WNK3: variants seen among roughly 807,000 people sequenced by gnomAD.
WNK3 encodes serine/threonine-protein kinase WNK3.
A neutral mutation model predicts 116.7 loss-of-function variants in WNK3; 18 were observed. The ratio of observed to expected loss-of-function variants is 0.15; its 90% CI spans 0.11 to 0.23. WNK3 has a LOEUF of 0.23. WNK3 is among the 10% of genes least tolerant of loss of function. The probability of loss-of-function intolerance (pLI) is 1.00; values close to 1 mark genes in which losing one functional copy is unlikely to be tolerated. For synonymous variants in WNK3, 404 were observed against 469.4 expected (o/e 0.86, Z 1.80); for missense variants, 993 against 1,323.8 (o/e 0.75, Z 3.88).
chrX:54,321,938 C>G (rs1206342838), intron 2 of WNK3, among the ~76,000 whole-genome samples: 2 of 104,725 alleles, frequency 1.9e-5, no homozygotes, highest in Non-Finnish European at 3.9e-5. Context: ...GAGCCGAGAT[C>G]ACGCCATCGC....
chrX:54,317,670 C>T (rs782527300), intron 2 of WNK3, among the ~76,000 whole-genome samples: 12 of 106,468 alleles, frequency 1.1e-4, no homozygotes, highest in Non-Finnish European at 1.9e-4. Context: ...CTCGCTCTGT[C>T]GCCCAGGCTG....
intron 10 of WNK3, among the ~76,000 whole-genome samples, chrX:54,268,583 GAA>G (rs2068343867): frequency 9.0e-6 from 1 of 111,356 alleles, no homozygotes; most frequent in Admixed American, 9.6e-5. Flanking sequence ...TAGGGGCAGG[GAA>G]AAGACAAAAT....
Position 54,312,240 on chromosome X carries a change from T to G in WNK3, c.538-949A>C, listed in dbSNP as rs782188810. Among the ~76,000 whole-genome samples the G allele has an allele frequency of 4.5e-5, 5 of 110,174 alleles. No homozygotes were observed. The East Asian group carries it at 1.4e-3, about 32-fold the overall frequency. On this transcript the variant is annotated intron_variant, in intron 2 of 23. Transcript: ENST00000354646. ...ACTCGAGAGGGTAAGGTGGGAGGAT[T>G]GCTTGAACCTGGGAGGCAGAGGTTG...
At chrX:54,195,259 C>T (rs936126132) in exon 24 of WNK3, 4 of 111,189 alleles carry the variant, frequency 3.6e-5, no homozygotes, top group African/African-American at 1.3e-4. Flanking sequence ...TACAGACTAT[C>T]CTCTGAATAA....
At chrX:54,308,722 T>C (rs183511861) in intron 4 of WNK3, among the ~76,000 whole-genome samples, 25 of 111,978 alleles carry the variant, frequency 2.2e-4, no homozygotes, top group African/African-American at 7.8e-4. Flanking sequence ...ATATAAATTA[T>C]TATCCCACAA....
intron 10 of WNK3, among the ~76,000 whole-genome samples, chrX:54,271,673 T>C (rs982842086): frequency 8.9e-6 from 1 of 112,359 alleles, no homozygotes; most frequent in Non-Finnish European, 1.9e-5. Context: ...TCATAATTGC[T>C]ATCCTCCCAA....
At chrX:54,227,266 A>T (rs781911553) in intron 22 of WNK3, among the ~76,000 whole-genome samples, 9 of 111,350 alleles carry the variant, frequency 8.1e-5, no homozygotes, top group Non-Finnish European at 1.5e-4. Flanking sequence ...TTTAAATTTC[A>T]GCCATTTTAA....
intron 10 of WNK3, among the ~76,000 whole-genome samples, chrX:54,290,140 C>T (rs1430409451): frequency 9.0e-6 from 1 of 110,876 alleles, no homozygotes; most frequent in Non-Finnish European, 1.9e-5. Context: ...GCCAGGCATG[C>T]TGGTGTGCTC....
At chrX:54,247,556 T>C (rs782784714) in intron 17 of WNK3, among the ~76,000 whole-genome samples, 42 of 110,441 alleles carry the variant, frequency 3.8e-4, no homozygotes, top group Admixed American at 9.8e-4. Flanking sequence ...TATGTCTTTA[T>C]AAATATTTGT....
chrX:54,249,055 T>C, exon 17 of WNK3: 1 of 1,211,950 alleles, frequency 8.3e-7, no homozygotes, highest in Non-Finnish European at 1.1e-6. Context: ...TGGAGGTCTT[T>C]CTCCATCTGA....
chrX:54,235,405 G>A (rs2067951117), intron 20 of WNK3, among the ~76,000 whole-genome samples: 1 of 112,005 alleles, frequency 8.9e-6, no homozygotes, highest in Admixed American at 9.5e-5. Flanking sequence ...CCCTGCCTCA[G>A]CCTCCTGAGT....
intron 10 of WNK3, among the ~76,000 whole-genome samples, chrX:54,268,079 TGC>T (rs1491431725): frequency 7.8e-5 from 5 of 63,741 alleles, no homozygotes; most frequent in East Asian, 4.7e-4. Flanking sequence ...TCTGAATGCG[TGC>T]ACACACACAC....
intron 11 of WNK3, among the ~76,000 whole-genome samples, 154 bp downstream of exon 11, chrX:54,259,120 A>AGC (rs1491375787): frequency 4.1e-5 from 3 of 73,057 alleles, no homozygotes; most frequent in African/African-American, 2.7e-4. Flanking sequence ...ATAAAAAAGC[A>AGC]AAAAAAAAAA....
intron 10 of WNK3, among the ~76,000 whole-genome samples, chrX:54,288,141 T>C (rs1195737225): frequency 1.8e-5 from 2 of 111,561 alleles, no homozygotes; most frequent in Non-Finnish European, 1.9e-5. Flanking sequence ...GTATGCTGGC[T>C]GGTATTGTGC....
intron 19 of WNK3, 48 bp from the exon 20 acceptor site, chrX:54,237,599 A>G: frequency 1.8e-6 from 2 of 1,113,024 alleles, no homozygotes; most frequent in Non-Finnish European, 2.4e-6. Flanking sequence ...AGACAAGTAG[A>G]TGCTCTGCTG....
intron 12 of WNK3, 33 bp downstream of exon 12, chrX:54,255,707 G>A: frequency 8.4e-7 from 1 of 1,192,195 alleles, no homozygotes; most frequent in Non-Finnish European, 1.1e-6. Context: ...ACCTCTATAT[G>A]TACTCTTAAC....
At chrX:54,331,448 C>G (rs2069170850) in intron 2 of WNK3, among the ~76,000 whole-genome samples, 1 of 109,233 alleles carries the variant, frequency 9.2e-6, no homozygotes, top group Admixed American at 9.9e-5. Flanking sequence ...TGTTTAAAGC[C>G]TTGTACTCAA....
chrX:54,358,254 C>T (rs1437285408), upstream of WNK3, among the ~76,000 whole-genome samples: 3 of 111,422 alleles, frequency 2.7e-5, no homozygotes, highest in Non-Finnish European at 5.7e-5. Flanking sequence ...GGCTTCTCCC[C>T]ATTCCAAAGA....
intron 17 of WNK3, among the ~76,000 whole-genome samples, chrX:54,242,712 T>A (rs1316209963): frequency 2.7e-5 from 3 of 112,084 alleles, no homozygotes; most frequent in Admixed American, 9.5e-5. Flanking sequence ...GCTGAACAAC[T>A]GGATATCCAA....
Sources: allele counts gnomAD v4.1 joint callset (sites outside exome capture counted in the v4.1 genomes callset), GRCh38; gene constraint gnomAD v4.1.1; transcripts MANE v1.5; gene names NCBI Gene and HGNC (gene_info 2026-07-23, HGNC 2026-07-21).